Variants in EML6 observed in about 807,000 individuals in gnomAD.
EML6 encodes the protein echinoderm microtubule-associated protein-like 6.
In EML6, 154 loss-of-function variants were observed where a neutral mutation model predicts 240.1. The ratio of observed to expected loss-of-function variants is 0.64; its 90% CI spans 0.56 to 0.73. The LOEUF is 0.73. Among genes scored for constraint, EML6 ranks in the 30% least tolerant of loss-of-function variants. EML6 has a pLI of 0.00. For missense variants in EML6, 2,964 were observed against 2,474.6 expected, an observed-to-expected ratio of 1.20 and a Z score of -4.20; for synonymous variants, 1,148 against 899.0, an observed-to-expected ratio of 1.28 and a Z score of -4.95.
intron 25 of EML6, among the ~76,000 whole-genome samples, chr2:54,915,756 A>G (rs891998532): frequency 2.6e-5 from 4 of 152,152 alleles, no homozygotes; most frequent in Non-Finnish European, 4.4e-5. Context: ...GGCAGGGTAC[A>G]TTAGCAGCGT....
intron 28 of EML6, among the ~76,000 whole-genome samples, chr2:54,930,518 C>T (rs1674796332): frequency 3.4e-5 from 5 of 145,770 alleles, no homozygotes; most frequent in Non-Finnish European, 7.6e-5. Context: ...TGGAATGACT[C>T]TTTTTTTTTT....
At chr2:54,844,714 G>T (rs1036338772) in intron 8 of EML6, among the ~76,000 whole-genome samples, 1 of 152,168 alleles carries the variant, frequency 6.6e-6, no homozygotes, top group East Asian at 1.9e-4. Flanking sequence ...AGTCTCAGAT[G>T]AAATTTTGAA....
intron 27 of EML6, 23 bp from the exon 28 acceptor site, chr2:54,928,602 C>T (rs1190695664): frequency 3.9e-6 from 6 of 1,551,940 alleles, no homozygotes; most frequent in Non-Finnish European, 8.7e-7. Flanking sequence ...AACTGGCTCC[C>T]CAATCTCTTT....
chr2:54,853,603 CT>C, intron 10 of EML6, 39 bp from the exon 11 acceptor site: 3 of 1,228,994 alleles, frequency 2.4e-6, no homozygotes, highest in African/African-American at 3.1e-5. Flanking sequence ...TTAGAATAAA[CT>C]TTTTATTTAA....
chr2:54,926,157 A>G (rs1674533079), intron 26 of EML6, among the ~76,000 whole-genome samples: 2 of 152,174 alleles, frequency 1.3e-5, no homozygotes, highest in Admixed American at 6.5e-5. Flanking sequence ...GCTGTAGTGC[A>G]GTGGTGTGAT....
intron 28 of EML6, among the ~76,000 whole-genome samples, chr2:54,946,134 G>C (rs1385279979): frequency 3.3e-5 from 5 of 152,180 alleles, no homozygotes; most frequent in African/African-American, 1.2e-4. Flanking sequence ...TTTGTTTGCT[G>C]TCTTGCCAGG....
At chr2:54,851,902 C>T (rs769613006) in intron 10 of EML6, among the ~76,000 whole-genome samples, 5 of 152,252 alleles carry the variant, frequency 3.3e-5, no homozygotes, top group Non-Finnish European at 7.3e-5. Flanking sequence ...ATACTCCCAT[C>T]GTAACACAGA....
At chr2:54,912,393 C>A (rs558004272) in intron 25 of EML6, among the ~76,000 whole-genome samples, 24 of 152,170 alleles carry the variant, frequency 1.6e-4, no homozygotes, top group African/African-American at 5.8e-4. Context: ...ATACTTTATA[C>A]ACCTTTATTT....
At chr2:54,735,621 C>T (rs1168504245) in intron 2 of EML6, among the ~76,000 whole-genome samples, 1 of 152,182 alleles carries the variant, frequency 6.6e-6, no homozygotes, top group East Asian at 1.9e-4. Context: ...CCATTGAGGA[C>T]ATAATGTTTC....
At chr2:54,905,659 A>G (rs1673290446) in intron 24 of EML6, among the ~76,000 whole-genome samples, 1 of 152,176 alleles carries the variant, frequency 6.6e-6, no homozygotes, top group African/African-American at 2.4e-5. Flanking sequence ...TTCATCTTGT[A>G]ATACTGATGA....
At chr2:54,954,399 C>G (rs1221340471) in intron 32 of EML6, among the ~76,000 whole-genome samples, 2 of 152,188 alleles carry the variant, frequency 1.3e-5, no homozygotes, top group Non-Finnish European at 2.9e-5. Context: ...TGAAGGGGCT[C>G]TGAGGAGGTT....
rs540970027 is a variant in EML6, at chr2:54,942,125, G to C, written c.4005-6757G>C. On this transcript the variant is annotated intron_variant, in intron 28 of 41. Transcript: ENST00000356458. ...GGTTTGAAGCAAAGCAATGACTTCTGTCTGATAATTTTAGGCATTAAACCT... is the reference window on the plus strand; with the variant it reads ...GGTTTGAAGCAAAGCAATGACTTCTCTCTGATAATTTTAGGCATTAAACCT... Among the ~76,000 whole-genome samples, 5 of 152,228 alleles carry C rather than the reference G, an allele frequency of 3.3e-5. No individual in the cohort carries two copies. In the South Asian group the frequency reaches 8.3e-4, roughly 25 times the overall value.
chr2:54,800,953 A>G (rs1670104435), intron 2 of EML6, among the ~76,000 whole-genome samples: 1 of 152,136 alleles, frequency 6.6e-6, no homozygotes, highest in Admixed American at 6.5e-5. Context: ...AAGGAGCTAG[A>G]ATAAAGTTAC....
chr2:54,807,014 CATAA>C (rs1309884775), intron 2 of EML6, among the ~76,000 whole-genome samples: 4 of 152,276 alleles, frequency 2.6e-5, no homozygotes, highest in South Asian at 4.1e-4. Context: ...ACTTTACTGA[CATAA>C]ATAATATATA....
At chr2:54,793,561 C>A (rs1335783197) in intron 2 of EML6, among the ~76,000 whole-genome samples, 1 of 152,106 alleles carries the variant, frequency 6.6e-6, no homozygotes, top group Non-Finnish European at 1.5e-5. Flanking sequence ...ACGCCCGCAA[C>A]ATAGGCAATT....
In EML6 at chr2:54,848,506, C is replaced by T. The variant is rs866610584; in HGVS notation, c.1187+883C>T. Among the ~76,000 whole-genome samples, 6 of 103,220 alleles carry T rather than the reference C, an allele frequency of 5.8e-5. No homozygotes were observed. The South Asian group carries it at 9.9e-4, about 17-fold the overall frequency. 67.7% of individuals were successfully genotyped at this position (103,220 alleles called of 152,430 possible). A position where few individuals can be genotyped will look rare whatever the true frequency, so the allele number is the denominator to read the frequency against. ...AGTACCAGATTTCTTTTTCGATGGA[C>T]TTCTCAAGCTTCCACACTACACACA... On this transcript the variant is annotated intron_variant, in intron 9 of 41. Coordinates refer to ENST00000356458, the MANE Select transcript of EML6 (RefSeq NM_001039753.4).
At chr2:54,798,738 G>C (rs1459275180) in intron 2 of EML6, among the ~76,000 whole-genome samples, 2 of 152,134 alleles carry the variant, frequency 1.3e-5, no homozygotes, top group African/African-American at 4.8e-5. Context: ...TCTGTGAGTA[G>C]ACAGTTTTAC....
In EML6 at chr2:54,968,738, A is replaced by T. The variant is rs1313918257; in HGVS notation, c.5822A>T (p.Tyr1941Phe). Residue 1941 changes from tyrosine to phenylalanine, a missense_variant, in exon 41 of 42, where the codon TAT becomes TTT. Tyr to Phe is a conservative substitution (Grantham distance 22). Transcript: ENST00000356458. ...ATCCGTTTCTCTTATGATGACAAGT[A>T]TGTGGTCAGCACTGGAGGAGACGAC... The part of the protein sequence containing the change: ...TNIRFSYDDK[Y>F]VVSTGGDDCS... 16 of 1,549,270 alleles carry T rather than the reference A, an allele frequency of 1.0e-5. No homozygotes were observed. Among genetic ancestry groups the T allele is most frequent in the Non-Finnish European group, 1.4e-5 (16 of 1,144,782 alleles).
chr2:54,860,705 G>A (rs1168819140), intron 12 of EML6, among the ~76,000 whole-genome samples: 30 of 152,196 alleles, frequency 2.0e-4, no homozygotes, highest in Non-Finnish European at 4.4e-5. Flanking sequence ...ATGAATGTCT[G>A]TCTAGACCAT....
Sources: gnomAD v4.1 joint callset for allele counts (sites outside exome capture counted in the v4.1 genomes callset) on GRCh38, gnomAD v4.1.1 for gene constraint, MANE v1.5 for transcripts, NCBI Gene and HGNC (gene_info 2026-07-23, HGNC 2026-07-21) for gene names.